Variants in NALF1 observed in about 807,000 individuals in gnomAD.
The protein encoded by NALF1 is NALCN channel auxiliary factor 1.
NALF1 carries 3 observed loss-of-function variants against 48.4 expected under a neutral mutation model. The ratio of observed to expected loss-of-function variants is 0.06; its 90% confidence interval spans 0.03 to 0.16. The LOEUF (loss-of-function observed/expected upper bound fraction) is 0.16. Ranked by LOEUF, NALF1 falls within the 10% of genes least tolerant of loss-of-function variation. The probability of loss-of-function intolerance (pLI) is 1.00; values close to 1 mark genes in which losing one functional copy is unlikely to be tolerated. For missense variants in NALF1, 526 were observed against 571.5 expected (o/e 0.92, Z 0.81); for synonymous variants, 262 against 245.7 (o/e 1.07, Z -0.62).
At chr13:107,851,896 C>T (rs1351343082) in intron 1 of NALF1, among the ~76,000 whole-genome samples, 2 of 144,590 alleles carry the variant, frequency 1.4e-5, no homozygotes, top group African/African-American at 5.1e-5. Context: ...GCAGCCTCTA[C>T]CTCCTAAGCC....
chr13:107,831,668 G>T (rs1466781541), intron 1 of NALF1, among the ~76,000 whole-genome samples: 1 of 152,076 alleles, frequency 6.6e-6, no homozygotes, highest in Non-Finnish European at 1.5e-5. Flanking sequence ...ATAATGATGA[G>T]GTAGAAATGA....
At position 107,258,973 on chromosome 13, in the gene NALF1, T is replaced by C. The variant is rs557097445; in HGVS notation, c.916-48218A>G. Among the ~76,000 whole-genome samples, 51 of 152,228 alleles carry C rather than the reference T, an allele frequency of 3.4e-4. 2 individuals are homozygous for C. In the South Asian group the frequency reaches 9.1e-3, roughly 27 times the overall value. ...TGAGCCACTGCGCCCTGCCCAGGTA[T>C]TTCTTTATAGCAATGGGAGAACAGA... On this transcript the variant is annotated intron_variant, in intron 1 of 2. Transcript: ENST00000375915.
intron 1 of NALF1, among the ~76,000 whole-genome samples, chr13:107,711,294 T>C (rs1413479395): frequency 1.3e-5 from 2 of 152,228 alleles, no homozygotes; most frequent in East Asian, 1.9e-4. Context: ...ATGCATCATA[T>C]TGTGATACTA....
chr13:107,813,440 G>A (rs1173926040), intron 1 of NALF1, among the ~76,000 whole-genome samples: 1 of 152,224 alleles, frequency 6.6e-6, no homozygotes, highest in Non-Finnish European at 1.5e-5. Context: ...ATGTTGTAAA[G>A]CTCAAAAATA....
At chr13:107,686,022 T>A (rs577089551) in intron 1 of NALF1, among the ~76,000 whole-genome samples, 1 of 152,276 alleles carries the variant, frequency 6.6e-6, no homozygotes, top group African/African-American at 2.4e-5. Context: ...AATAGGCTGA[T>A]GTGAAGAAGC....
intron 1 of NALF1, among the ~76,000 whole-genome samples, chr13:107,259,230 T>C (rs549835701): frequency 6.6e-6 from 1 of 152,302 alleles, no homozygotes; most frequent in East Asian, 1.9e-4. Flanking sequence ...TCTTTATTCA[T>C]CTTTGCCAAG....
At chr13:107,777,468 A>T (rs910546065) in intron 1 of NALF1, among the ~76,000 whole-genome samples, 4 of 152,194 alleles carry the variant, frequency 2.6e-5, no homozygotes, top group African/African-American at 9.7e-5. Context: ...TCACGGGGGC[A>T]GATCTCTCCT....
At chr13:107,413,414 A>G (rs1226581979) in intron 1 of NALF1, among the ~76,000 whole-genome samples, 7 of 152,198 alleles carry the variant, frequency 4.6e-5, no homozygotes, top group Admixed American at 2.6e-4. Context: ...ACCTACATGC[A>G]TATTATAAAC....
At chr13:107,479,275 C>A (rs2139059275) in intron 1 of NALF1, among the ~76,000 whole-genome samples, 1 of 152,294 alleles carries the variant, frequency 6.6e-6, no homozygotes, top group Non-Finnish European at 1.5e-5. Flanking sequence ...CTATCAGGGT[C>A]TGACTTCTGG....
At chr13:107,658,013 A>T (rs1880629539) in intron 1 of NALF1, among the ~76,000 whole-genome samples, 1 of 152,134 alleles carries the variant, frequency 6.6e-6, no homozygotes, top group South Asian at 2.1e-4. Context: ...TCGAGACATT[A>T]GTTATTTTTG....
intron 1 of NALF1, among the ~76,000 whole-genome samples, chr13:107,795,530 T>C (rs1878394285): frequency 6.6e-6 from 1 of 152,126 alleles, no homozygotes; most frequent in South Asian, 2.1e-4. Context: ...TGGAAGAAAA[T>C]CCTTTACGCT....
chr13:107,865,433 C>A (rs1398771454), intron 1 of NALF1, among the ~76,000 whole-genome samples: 4 of 152,158 alleles, frequency 2.6e-5, no homozygotes, highest in African/African-American at 2.4e-5. Context: ...AAAGTGCCAG[C>A]TTGATTATCT....
At chr13:107,805,471 T>C (rs764663805) in intron 1 of NALF1, among the ~76,000 whole-genome samples, 1 of 152,272 alleles carries the variant, frequency 6.6e-6, no homozygotes, top group South Asian at 2.1e-4. Flanking sequence ...TCCTTAATAA[T>C]TGGAAAATAA....
intron 1 of NALF1, among the ~76,000 whole-genome samples, chr13:107,847,265 C>CA (rs2138639345): frequency 6.6e-6 from 1 of 152,152 alleles, no homozygotes; most frequent in South Asian, 2.1e-4. Context: ...GATTTATTGA[C>CA]AAAATCAAAC....
At chr13:107,245,180 G>T (rs112742438) in intron 1 of NALF1, among the ~76,000 whole-genome samples, 4 of 152,078 alleles carry the variant, frequency 2.6e-5, no homozygotes, top group African/African-American at 9.7e-5. Context: ...TTTACAAAGC[G>T]ACTAAGTGAA....
In NALF1 at chr13:107,371,619, C is replaced by T. The variant is rs543883032; in HGVS notation, c.916-160864G>A. Among the ~76,000 whole-genome samples, 4 of 152,100 alleles carry T rather than the reference C, an allele frequency of 2.6e-5. No individual in the cohort carries two copies. The East Asian group carries it at 7.7e-4, about 29-fold the overall frequency. On this transcript the variant is annotated intron_variant, in intron 1 of 2. Coordinates refer to ENST00000375915, the MANE Select transcript of NALF1 (RefSeq NM_001080396.3). ...ACTAACCACAACAAAGAGACTCTTT[C>T]AACAAAGATGTCTTTTTTAAAATTA...
At chr13:107,355,547 G>A (rs1047452634) in intron 1 of NALF1, among the ~76,000 whole-genome samples, 12 of 152,070 alleles carry the variant, frequency 7.9e-5, no homozygotes, top group African/African-American at 1.7e-4. Flanking sequence ...GGGACCTGGC[G>A]GGGGGTGAGT....
chr13:107,679,008 G>C (rs567612170), intron 1 of NALF1, among the ~76,000 whole-genome samples: 2 of 152,270 alleles, frequency 1.3e-5, no homozygotes, highest in South Asian at 4.1e-4. Flanking sequence ...AGACGTATTT[G>C]TTCCTCTTTC....
chr13:107,750,352 A>G, intron 1 of NALF1, among the ~76,000 whole-genome samples: 1 of 152,176 alleles, frequency 6.6e-6, no homozygotes, highest in East Asian at 1.9e-4. Context: ...ATGGGAAATG[A>G]TTTCTCAGAA....
Sources: allele counts gnomAD v4.1 joint callset (sites outside exome capture counted in the v4.1 genomes callset), GRCh38; gene constraint gnomAD v4.1.1; transcripts MANE v1.5; gene names NCBI Gene and HGNC (gene_info 2026-07-23, HGNC 2026-07-21).